The following DLGAP2 variants were observed in gnomAD, a reference collection of about 807,000 sequenced individuals.
DLGAP2 encodes disks large-associated protein 2.
In DLGAP2, 26 loss-of-function variants were observed where a neutral mutation model predicts 100.3. The observed-to-expected ratio is 0.26, with a 90% CI of 0.19 to 0.36. The LOEUF is 0.36. DLGAP2 is among the 10% of genes least tolerant of loss of function. The pLI is 1.00. For synonymous variants in DLGAP2, 886 were observed against 630.1 expected, an observed-to-expected ratio of 1.41 and a Z score of -6.08; for missense variants, 1,858 against 1,453.2, an observed-to-expected ratio of 1.28 and a Z score of -4.53.
chr8:946,334 G>T (rs935232828), intron 2 of DLGAP2, among the ~76,000 whole-genome samples: 8 of 151,650 alleles, frequency 5.3e-5, no homozygotes, highest in Admixed American at 5.2e-4. Context: ...TGCGATCTGG[G>T]CTCATTGCAA....
chr8:1,134,785 G>C (rs1245490569), intron 2 of DLGAP2, among the ~76,000 whole-genome samples: 1 of 152,082 alleles, frequency 6.6e-6, no homozygotes, highest in East Asian at 1.9e-4. Flanking sequence ...GCGAGGGAGA[G>C]CATGTGAGAG....
At chr8:1,523,311 C>A (rs1162341269) in intron 4 of DLGAP2, among the ~76,000 whole-genome samples, 1 of 152,244 alleles carries the variant, frequency 6.6e-6, no homozygotes, top group African/African-American at 2.4e-5. Context: ...GACCAAGACA[C>A]ACGACAGAGA....
intron 1 of DLGAP2, among the ~76,000 whole-genome samples, chr8:839,522 T>A (rs960775500): frequency 6.6e-6 from 1 of 152,142 alleles, no homozygotes; most frequent in Non-Finnish European, 1.5e-5. Context: ...ATCTAAAACA[T>A]TGAGCTCACA....
chr8:1,454,253 C>A (rs1277221858), intron 3 of DLGAP2, among the ~76,000 whole-genome samples: 1 of 152,224 alleles, frequency 6.6e-6, no homozygotes, highest in East Asian at 1.9e-4. Context: ...CCACAGCGTC[C>A]CCACTTGGGA....
intron 2 of DLGAP2, among the ~76,000 whole-genome samples, chr8:1,237,553 C>T (rs376061947): frequency 2.2e-3 from 238 of 108,690 alleles, no homozygotes; most frequent in Middle Eastern, 8.8e-3. Context: ...TCTCACATGG[C>T]GCCGTGTCTA....
At chr8:1,638,959 G>A (rs998760130) in intron 8 of DLGAP2, among the ~76,000 whole-genome samples, 1 of 152,238 alleles carries the variant, frequency 6.6e-6, no homozygotes, top group Non-Finnish European at 1.5e-5. Context: ...TGGAGTGCAG[G>A]TAAAAGAAGG....
intron 2 of DLGAP2, among the ~76,000 whole-genome samples, chr8:1,085,521 A>T (rs1408058033): frequency 6.6e-6 from 1 of 152,152 alleles, no homozygotes; most frequent in Non-Finnish European, 1.5e-5. Flanking sequence ...ATTATTATTA[A>T]AGAGACTGTG....
intron 2 of DLGAP2, among the ~76,000 whole-genome samples, chr8:1,200,180 T>G (rs968655730): frequency 2.0e-5 from 3 of 152,138 alleles, no homozygotes; most frequent in African/African-American, 7.2e-5. Flanking sequence ...CCCCGTGCTC[T>G]CCTCCCCACC....
At chr8:1,560,647 C>A (rs770257295) in intron 5 of DLGAP2, among the ~76,000 whole-genome samples, 88 of 152,250 alleles carry the variant, frequency 5.8e-4, no homozygotes, top group Admixed American at 2.0e-3. Flanking sequence ...TGCCCGCCAC[C>A]TGGCCTGAAG....
At chr8:1,097,553 T>G (rs1804422406) in intron 2 of DLGAP2, among the ~76,000 whole-genome samples, 1 of 133,710 alleles carries the variant, frequency 7.5e-6, no homozygotes. Flanking sequence ...CTCAGTAGAG[T>G]GGAGCTGGGA....
At chr8:1,273,855 G>A (rs997817843) in intron 3 of DLGAP2, among the ~76,000 whole-genome samples, 11 of 152,106 alleles carry the variant, frequency 7.2e-5, no homozygotes, top group Non-Finnish European at 7.3e-5. Context: ...ATTCCAAATG[G>A]GAGACTTTAA....
At chr8:1,284,278 A>G (rs183236900) in intron 3 of DLGAP2, among the ~76,000 whole-genome samples, 289 of 152,230 alleles carry the variant, frequency 1.9e-3, no homozygotes, top group African/African-American at 6.7e-3. Context: ...TTTTGAGTAG[A>G]GCCTGTGCTG....
intron 3 of DLGAP2, among the ~76,000 whole-genome samples, chr8:1,322,404 C>T (rs972319736): frequency 6.6e-6 from 1 of 152,238 alleles, no homozygotes; most frequent in African/African-American, 2.4e-5. Flanking sequence ...TGCATGTACC[C>T]ACCCGGCGTG....
intron 2 of DLGAP2, among the ~76,000 whole-genome samples, chr8:935,020 G>A (rs1042028526): frequency 2.0e-5 from 3 of 152,132 alleles, no homozygotes; most frequent in African/African-American, 4.8e-5. Context: ...CTCGGCTTCC[G>A]TTGGCACTGG....
chr8:1,563,046 G>A lies in DLGAP2; in HGVS notation c.1231-2637G>A, dbSNP rs13278507. ...TGTGGTTTTGGGGTGTCCGCGCCTC[G>A]TTACTGGGGGACTGTGTGGTGTTGG... is the stretch of plus-strand genomic sequence containing the variant. On this transcript the variant is annotated intron_variant, in intron 5 of 14. Coordinates refer to ENST00000637795, the MANE Select transcript of DLGAP2 (RefSeq NM_001346810.2). Among the ~76,000 whole-genome samples, 26 of 22,864 alleles carry A rather than the reference G, an allele frequency of 1.1e-3. 2 individuals are homozygous for A. Among genetic ancestry groups the A allele is most frequent in the African/African-American group, 4.3e-3 (23 of 5,364 alleles). 15.0% of individuals were successfully genotyped at this position (22,864 alleles called of 152,430 possible). A position where few individuals can be genotyped will look rare whatever the true frequency, so the allele number is the denominator to read the frequency against.
At chr8:1,501,499 C>T in intron 4 of DLGAP2, 68 bp downstream of exon 4, 1 of 1,456,886 alleles carries the variant, frequency 6.9e-7, no homozygotes, top group Admixed American at 2.1e-5. Context: ...CGGGCACCTC[C>T]CATCATGCGG....
At chr8:802,099 A>ACAGTC (rs1563039241) in intron 1 of DLGAP2, among the ~76,000 whole-genome samples, 1 of 134,544 alleles carries the variant, frequency 7.4e-6, no homozygotes, top group Admixed American at 7.2e-5. Context: ...GGCCTGGGGA[A>ACAGTC]TGGTCCACAC....
chr8:1,492,584 G>A (rs985005235), intron 3 of DLGAP2, among the ~76,000 whole-genome samples: 2 of 152,172 alleles, frequency 1.3e-5, no homozygotes, highest in African/African-American at 4.8e-5. Context: ...CTGCGCCTGC[G>A]CGGTGACTCC....
intron 3 of DLGAP2, among the ~76,000 whole-genome samples, chr8:1,341,395 C>A (rs892935542): frequency 6.6e-6 from 1 of 152,060 alleles, no homozygotes; most frequent in Non-Finnish European, 1.5e-5. Flanking sequence ...TAGATCTTAC[C>A]CAGAAATTAT....
Sources: allele counts gnomAD v4.1 joint callset (sites outside exome capture counted in the v4.1 genomes callset), GRCh38; gene constraint gnomAD v4.1.1; transcripts MANE v1.5; gene names NCBI Gene and HGNC (gene_info 2026-07-23, HGNC 2026-07-21).